The following DSCAML1 variants were observed in gnomAD, a reference collection of about 807,000 sequenced individuals.
DSCAML1 encodes DS cell adhesion molecule like 1.
Under a neutral mutation model 200.5 loss-of-function variants are expected in DSCAML1, and 38 were observed. The ratio of observed to expected loss-of-function variants is 0.19; its 90% CI spans 0.15 to 0.25. DSCAML1 has a LOEUF of 0.25. DSCAML1 is among the 10% of genes least tolerant of loss of function. The probability of loss-of-function intolerance (pLI) is 1.00; values close to 1 mark genes in which losing one functional copy is unlikely to be tolerated. For missense variants in DSCAML1, 2,223 were observed against 2,858.8 expected, an observed-to-expected ratio of 0.78 and a Z score of 5.07; for synonymous variants, 1,215 against 1,165.0, an observed-to-expected ratio of 1.04 and a Z score of -0.87.
intron 3 of DSCAML1, among the ~76,000 whole-genome samples, chr11:117,685,989 G>A (rs2053395953): frequency 6.6e-6 from 1 of 152,168 alleles, no homozygotes; most frequent in African/African-American, 2.4e-5. Context: ...GGATGGGAGG[G>A]AGGGTTCTGA....
At chr11:117,486,279 CGGATGT>C (rs2049053909) in intron 11 of DSCAML1, among the ~76,000 whole-genome samples, 2 of 149,776 alleles carry the variant, frequency 1.3e-5, no homozygotes, top group Non-Finnish European at 3.0e-5. Context: ...GGGAAAGTGG[CGGATGT>C]GAAAATGGCA....
chr11:117,501,064 G>C (rs1359856770), intron 11 of DSCAML1, among the ~76,000 whole-genome samples: 6 of 152,178 alleles, frequency 3.9e-5, no homozygotes, highest in Non-Finnish European at 7.3e-5. Context: ...GGATGACGAG[G>C]AATGGTTTCT....
intron 11 of DSCAML1, among the ~76,000 whole-genome samples, chr11:117,486,261 TGGTGGATGGGAAAG>T: frequency 1.3e-5 from 1 of 76,310 alleles, no homozygotes; most frequent in African/African-American, 5.7e-5. Flanking sequence ...GATGGGAAAG[TGGTGGATGGGAAAG>T]TGGCGGATGT....
At position 117,570,262 on chromosome 11, in the gene DSCAML1, G is replaced by A. The variant is rs541036851; in HGVS notation, c.512-37740C>T. 6.6e-5 allele frequency among the ~76,000 whole-genome samples: 10 copies of A among 152,230 alleles called. No individual in the cohort carries two copies. The South Asian group carries it at 2.1e-3, about 32-fold the overall frequency. ...AAGGATGAACGCTTTAGATTTGAGT[G>A]TTAGGACCATTCTAGAGCATTCCTC... On this transcript the variant is annotated intron_variant, in intron 3 of 32. Coordinates refer to ENST00000651296, the MANE Select transcript of DSCAML1 (RefSeq NM_020693.4).
In DSCAML1 at chr11:117,444,008, T is replaced by C; in HGVS notation, c.3740A>G (p.Gln1247Arg). ...APSEYETSPE[Q>R]LFYRIAHLNR... Reference sequence around the variant, plus strand: ...TAGGTGGGCGATCCGGTAGAAGAGCTGCTCTGGACTCGTCTCGTACTCGCT... The same window carrying C: ...TAGGTGGGCGATCCGGTAGAAGAGCCGCTCTGGACTCGTCTCGTACTCGCT... The change falls in exon 21 of 33, where the codon CAG becomes CGG. Residue 1247 changes from glutamine (Q) to arginine (R), a missense_variant. Coordinates refer to ENST00000651296, the MANE Select transcript of DSCAML1 (RefSeq NM_020693.4). 6.2e-7 allele frequency: 1 copy of C among 1,613,654 alleles called. No individual in the cohort carries two copies. The highest frequency in any genetic ancestry group is 8.5e-7 in the Non-Finnish European group (1 of 1,179,746).
chr11:117,496,142 C>A (rs1181140349), intron 11 of DSCAML1, among the ~76,000 whole-genome samples: 1 of 152,196 alleles, frequency 6.6e-6, no homozygotes, highest in East Asian at 1.9e-4. Flanking sequence ...CCTTCTCTAA[C>A]CTCACATCAC....
chr11:117,618,992 T>TC (rs908846640), intron 3 of DSCAML1, among the ~76,000 whole-genome samples: 38 of 152,078 alleles, frequency 2.5e-4, no homozygotes, highest in African/African-American at 9.2e-4. Context: ...GATCAAGCCT[T>TC]CCCCAACGCA....
intron 3 of DSCAML1, among the ~76,000 whole-genome samples, chr11:117,663,626 G>A (rs1034664117): frequency 6.6e-6 from 1 of 151,336 alleles, no homozygotes; most frequent in East Asian, 2.0e-4. Context: ...CCAAGTGCCC[G>A]GCCAGGCCAG....
chr11:117,433,847 G>A lies in DSCAML1; in HGVS notation c.4877-376C>T, dbSNP rs117299680. Among the ~76,000 whole-genome samples, 928 of 152,298 alleles carry A rather than the reference G, an allele frequency of 6.1e-3. 7 individuals carry two copies. The highest frequency in any genetic ancestry group is 0.013 in the South Asian group (62 of 4,818). ...AGATTTATCTTCAGTTATATCTTGTGGAGAGGAGAGAGTGGAGGATGTAGT... is the reference window on the plus strand; with the variant it reads ...AGATTTATCTTCAGTTATATCTTGTAGAGAGGAGAGAGTGGAGGATGTAGT... On this transcript the variant is annotated intron_variant, in intron 27 of 32. Coordinates refer to ENST00000651296, the MANE Select transcript of DSCAML1 (RefSeq NM_020693.4).
intron 3 of DSCAML1, among the ~76,000 whole-genome samples, chr11:117,695,941 T>C (rs1163795529): frequency 6.6e-6 from 1 of 152,186 alleles, no homozygotes; most frequent in Non-Finnish European, 1.5e-5. Context: ...GAACATGTAA[T>C]AGCAGCTCAA....
intron 18 of DSCAML1, among the ~76,000 whole-genome samples, chr11:117,459,766 G>A (rs1337752321): frequency 6.6e-6 from 1 of 152,252 alleles, no homozygotes; most frequent in African/African-American, 2.4e-5. Flanking sequence ...CCAGCAACGG[G>A]CTGAGGACCA....
chr11:117,469,596 G>A lies in DSCAML1; in HGVS notation c.3024+314C>T, dbSNP rs532013492. 5.5e-4 allele frequency among the ~76,000 whole-genome samples: 83 copies of A among 152,216 alleles called. 2 individuals are homozygous for A. In the South Asian group the frequency reaches 0.017, roughly 31 times the overall value. Reference sequence around the variant, plus strand: ...TACTTCCAACCTTATTACAACATGTGGGGTTTGGACGACGGGCCAGCACCA... The same window carrying A: ...TACTTCCAACCTTATTACAACATGTAGGGTTTGGACGACGGGCCAGCACCA... On this transcript the variant is annotated intron_variant, in intron 16 of 32. Coordinates refer to ENST00000651296, the MANE Select transcript of DSCAML1 (RefSeq NM_020693.4). The surrounding 1 kb of genome is among the most constrained non-coding windows in gnomAD (Gnocchi z 4.1).
chr11:117,509,221 G>A (rs1355288527), intron 8 of DSCAML1, among the ~76,000 whole-genome samples: 3 of 152,084 alleles, frequency 2.0e-5, no homozygotes, highest in African/African-American at 7.2e-5. Context: ...ATGGAGGAGT[G>A]GAATTTGAGC....
chr11:117,748,704 G>A (rs2054555613), intron 3 of DSCAML1, among the ~76,000 whole-genome samples: 1 of 152,228 alleles, frequency 6.6e-6, no homozygotes, highest in African/African-American at 2.4e-5. Flanking sequence ...GCCCAGCCCA[G>A]CTAATGTGTG....
intron 1 of DSCAML1, among the ~76,000 whole-genome samples, chr11:117,806,179 G>A (rs2134087027): frequency 6.6e-6 from 1 of 152,320 alleles, no homozygotes; most frequent in African/African-American, 2.4e-5. Flanking sequence ...TCTCACCTAG[G>A]GCAAGGGGTT....
intron 3 of DSCAML1, among the ~76,000 whole-genome samples, chr11:117,664,552 A>G (rs554259325): frequency 3.3e-4 from 51 of 152,282 alleles, no homozygotes; most frequent in African/African-American, 1.2e-3. Context: ...TTACGCTTGT[A>G]TATGAAAAGT....
At chr11:117,545,057 C>T (rs572481480) in intron 3 of DSCAML1, among the ~76,000 whole-genome samples, 40 of 151,882 alleles carry the variant, frequency 2.6e-4, no homozygotes, top group Non-Finnish European at 4.6e-4. Context: ...TGAAAAAACC[C>T]GGTCTCTACT....
rs1411693067 is a variant in DSCAML1 at position 117,710,876 on chromosome 11, G to C, written c.511+65915C>G. ...GAGACAGAACATACTCGAAAAGAAA[G>C]AGCACATCGAGCCCTAAGCCACATA... On this transcript the variant is annotated intron_variant, in intron 3 of 32. Coordinates refer to ENST00000651296, the MANE Select transcript of DSCAML1 (RefSeq NM_020693.4). Among the ~76,000 whole-genome samples the C allele has an allele frequency of 2.6e-5, 4 of 152,234 alleles. 1 individual carries two copies. Among genetic ancestry groups the C allele is most frequent in the Admixed American group, 2.6e-4 (4 of 15,294 alleles).
intron 3 of DSCAML1, among the ~76,000 whole-genome samples, chr11:117,630,589 G>T (rs1477905519): frequency 7.2e-6 from 1 of 139,364 alleles, no homozygotes; most frequent in Non-Finnish European, 1.5e-5. Flanking sequence ...TGAGGATCAT[G>T]ATGGCCCTGT....
Sources: allele counts gnomAD v4.1 joint callset (sites outside exome capture counted in the v4.1 genomes callset), GRCh38; gene constraint gnomAD v4.1.1; non-coding constraint Gnocchi (gnomAD v3.1); transcripts MANE v1.5; gene names NCBI Gene and HGNC (gene_info 2026-07-23, HGNC 2026-07-21).